AFAP1L1: variants seen among roughly 807,000 people sequenced by gnomAD.
AFAP1L1 encodes actin filament-associated protein 1-like 1.
A neutral mutation model predicts 99.8 loss-of-function variants in AFAP1L1; 77 were observed. The observed-to-expected ratio is 0.77, with a 90% CI of 0.64 to 0.93. The LOEUF is 0.93. Among genes scored for constraint, AFAP1L1 ranks in the 40% least tolerant of loss-of-function variants. The probability of loss-of-function intolerance (pLI) is 0.00; values close to 1 mark genes in which losing one functional copy is unlikely to be tolerated. For synonymous variants in AFAP1L1, 373 were observed against 395.3 expected, an observed-to-expected ratio of 0.94 and a Z score of 0.67; for missense variants, 893 against 996.8, an observed-to-expected ratio of 0.90 and a Z score of 1.40.
In AFAP1L1 at chr5:149,340,013, G is replaced by C. The variant is rs561461722; in HGVS notation, c.2290G>C (p.Glu764Gln). ...TTCTCTTTCTGTGCTTCAGGAATGG[G>C]AAATGAAGAAGACCTAGGAAGAGGA... ...GRVLQKAKEW[E>Q]MKKT The change falls in exon 19 of 19, where the codon GAA (glutamate) becomes CAA (glutamine). Residue 764 changes from glutamate to glutamine, a missense_variant. Coordinates refer to ENST00000296721, the MANE Select transcript of AFAP1L1 (RefSeq NM_152406.4). 6.2e-7 allele frequency: 1 copy of C among 1,614,034 alleles called. No individual in the cohort carries two copies. Among genetic ancestry groups the C allele is most frequent in the South Asian group, 1.1e-5 (1 of 91,066 alleles).
intron 18 of AFAP1L1, among the ~76,000 whole-genome samples, chr5:149,338,989 A>G (rs1436327807): frequency 6.6e-6 from 1 of 152,152 alleles, no homozygotes; most frequent in Non-Finnish European, 1.5e-5. Context: ...CAGAGAAGTA[A>G]CCAGTGAGGG....
intron 1 of AFAP1L1, among the ~76,000 whole-genome samples, chr5:149,291,617 A>C (rs978170962): frequency 1.4e-5 from 2 of 147,848 alleles, no homozygotes; most frequent in African/African-American, 2.5e-5. Context: ...CCTTTCCTTC[A>C]CCCTACCCAA....
rs183378523 is a variant in AFAP1L1 at position 149,329,928 on chromosome 5, C to G, written c.1975+98C>G. The G allele has an allele frequency of 4.4e-4, 523 of 1,179,850 alleles. 3 individuals carry two copies. In the African/African-American group the frequency reaches 7.5e-3, roughly 17 times the overall value. 73.1% of individuals were successfully genotyped at this position (1,179,850 alleles called of 1,614,324 possible). A position where few individuals can be genotyped will look rare whatever the true frequency, so the allele number is the denominator to read the frequency against. Reference sequence around the variant, plus strand: ...CTTGCACAAGTCACCTGGTTTCTTACCCAAGAGAAGTGGGCTTCTCCTCCC... The same window carrying G: ...CTTGCACAAGTCACCTGGTTTCTTAGCCAAGAGAAGTGGGCTTCTCCTCCC... On this transcript the variant is annotated intron_variant, in intron 16 of 18. Transcript: ENST00000296721.
chr5:149,282,786 GAGA>G (rs749472205), intron 1 of AFAP1L1, among the ~76,000 whole-genome samples: 8 of 152,200 alleles, frequency 5.3e-5, no homozygotes, highest in Non-Finnish European at 1.0e-4. Flanking sequence ...GCACTGTGGT[GAGA>G]AGGATTCTGA....
At chr5:149,304,425 G>A (rs1756330488) in intron 5 of AFAP1L1, 1 of 152,250 alleles carries the variant, frequency 6.6e-6, no homozygotes, top group African/African-American at 2.4e-5. Flanking sequence ...CTCAAGGACA[G>A]GGAACAAAGT....
chr5:149,286,249 A>C (rs1481012190), intron 1 of AFAP1L1, among the ~76,000 whole-genome samples: 1 of 152,118 alleles, frequency 6.6e-6, no homozygotes, highest in East Asian at 1.9e-4. Flanking sequence ...CCTGTGAGGA[A>C]TAAGTATTAT....
chr5:149,294,177 C>G (rs1430206866), intron 1 of AFAP1L1, among the ~76,000 whole-genome samples: 1 of 152,132 alleles, frequency 6.6e-6, no homozygotes, highest in East Asian at 1.9e-4. Flanking sequence ...ATCAGAATCA[C>G]TTGGAGTACT....
intron 1 of AFAP1L1, among the ~76,000 whole-genome samples, chr5:149,272,913 G>A (rs555878013): frequency 8.5e-5 from 13 of 152,222 alleles, no homozygotes; most frequent in African/African-American, 2.9e-4. Flanking sequence ...ATATTGGCCA[G>A]GCTGGTCTGG....
At position 149,329,837 on chromosome 5, in the gene AFAP1L1, A is replaced by G. The variant is rs1255607186; in HGVS notation, c.1975+7A>G. 2 of 1,603,446 alleles carry G rather than the reference A, an allele frequency of 1.2e-6. No homozygotes were observed. Among genetic ancestry groups the G allele is most frequent in the East Asian group, 4.5e-5 (2 of 44,628 alleles). ...GCCATTCGGAGCAGCCCAGGTACCT[A>G]TGTGGGTGTGGTCCTGAGCACCTAT... is the stretch of plus-strand genomic sequence containing the variant. On this transcript the variant is annotated splice_region_variant and intron_variant, in intron 16 of 18. Transcript: ENST00000296721.
chr5:149,310,095 T>A lies in AFAP1L1; in HGVS notation c.887T>A (p.Leu296Gln). 3 of 1,613,332 alleles carry A rather than the reference T, an allele frequency of 1.9e-6. No individual in the cohort carries two copies. The highest frequency in any genetic ancestry group is 2.5e-6 in the Non-Finnish European group (3 of 1,179,590). The change falls in exon 8 of 19, where the codon CTG becomes CAG. Residue 296 changes from leucine (L) to glutamine (Q), a missense_variant. Physicochemically the swap from Leu to Gln is moderately radical, Grantham distance 113. Transcript: ENST00000296721. ...CAGGGGGCTACCGAGGTCTTGGTGCTGGCACTGCAGAGCCGAGAGCAGGCC... is the reference window on the plus strand; with the variant it reads ...CAGGGGGCTACCGAGGTCTTGGTGCAGGCACTGCAGAGCCGAGAGCAGGCC... ...FTQGATEVLV[L>Q]ALQSREQAEE...
In AFAP1L1 at chr5:149,309,804, C is replaced by T. The variant is rs1756554832; in HGVS notation, c.748-152C>T. 15 of 939,400 alleles carry T rather than the reference C, an allele frequency of 1.6e-5. No homozygotes were observed. In the South Asian group the frequency reaches 2.0e-4, roughly 12 times the overall value. 58.2% of individuals were successfully genotyped at this position (939,400 alleles called of 1,614,324 possible). ...CTCTTCCAGGGTGAACAGCCTGGAC[C>T]CTTCAGCTATCCTCACACAGTGCCC... On this transcript the variant is annotated intron_variant, in intron 7 of 18. Transcript: ENST00000296721.
chr5:149,322,613 A>G lies in AFAP1L1; in HGVS notation c.1706A>G (p.Glu569Gly). Residue 569 changes from glutamate (E) to glycine (G), a missense_variant, in exon 15 of 19, where the codon GAG becomes GGG. Coordinates refer to ENST00000296721, the MANE Select transcript of AFAP1L1 (RefSeq NM_152406.4). ...TCCTCCATCTCCCACCAGGACGAGG[A>G]GCCCGAGCGCCCCACAGGGGCCCAG... ...DVPYEKMQDEEPERPTGAQVK... is the reference protein window; with the variant it reads ...DVPYEKMQDEGPERPTGAQVK... 6.4e-7 allele frequency: 1 copy of G among 1,574,184 alleles called. No homozygotes were observed. The highest frequency in any genetic ancestry group is 8.6e-7 in the Non-Finnish European group (1 of 1,158,522).
At chr5:149,322,585 T>C in intron 14 of AFAP1L1, 21 bp from the exon 15 acceptor site, 1 of 1,549,092 alleles carries the variant, frequency 6.5e-7, no homozygotes, top group Non-Finnish European at 8.7e-7. Context: ...AACTTGACTG[T>C]CTTCCTCCAT....
intron 1 of AFAP1L1, among the ~76,000 whole-genome samples, chr5:149,290,490 G>C (rs1755816624): frequency 6.6e-6 from 1 of 151,866 alleles, no homozygotes; most frequent in South Asian, 2.1e-4. Context: ...GGAAATTGGG[G>C]AACAGGAATT....
intron 4 of AFAP1L1, 39 bp from the exon 5 acceptor site, chr5:149,302,379 T>C: frequency 6.7e-7 from 1 of 1,499,054 alleles, no homozygotes. Context: ...CTCCCTACCC[T>C]GCTCCGCTCC....
At chr5:149,321,425 T>C (rs1344257389) in intron 14 of AFAP1L1, among the ~76,000 whole-genome samples, 1 of 152,132 alleles carries the variant, frequency 6.6e-6, no homozygotes, top group Non-Finnish European at 1.5e-5. Context: ...TAATACTTTA[T>C]GTAAAAAAGT....
At chr5:149,304,768 C>A (rs1756350939) in intron 5 of AFAP1L1, among the ~76,000 whole-genome samples, 1 of 152,206 alleles carries the variant, frequency 6.6e-6, no homozygotes, top group Admixed American at 6.5e-5. Flanking sequence ...GCGTCTGAGG[C>A]CTCAGGGTGC....
chr5:149,299,649 G>A lies in AFAP1L1; in HGVS notation c.145+12G>A. On this transcript the variant is annotated intron_variant, in intron 2 of 18. Coordinates refer to ENST00000296721, the MANE Select transcript of AFAP1L1 (RefSeq NM_152406.4). ...GCAGCCCCTTCCAGGTTAGCCGCCA[G>A]CAGCCTGCCTGGAGGAGCTCCACTT... is the stretch of plus-strand genomic sequence containing the variant. The A allele has an allele frequency of 6.2e-7, 1 of 1,613,994 alleles. No individual in the cohort carries two copies. Among genetic ancestry groups the A allele is most frequent in the African/African-American group, 1.3e-5 (1 of 75,018 alleles).
In AFAP1L1 at chr5:149,329,846, T is replaced by C. The variant is rs1421709933; in HGVS notation, c.1975+16T>C. On this transcript the variant is annotated intron_variant, in intron 16 of 18. Coordinates refer to ENST00000296721, the MANE Select transcript of AFAP1L1 (RefSeq NM_152406.4). Reference sequence around the variant, plus strand: ...AGCAGCCCAGGTACCTATGTGGGTGTGGTCCTGAGCACCTATGGGTGGCCA... The same window carrying C: ...AGCAGCCCAGGTACCTATGTGGGTGCGGTCCTGAGCACCTATGGGTGGCCA... 5.6e-6 allele frequency: 9 copies of C among 1,596,744 alleles called. No homozygotes were observed. The highest frequency in any genetic ancestry group is 7.7e-6 in the Non-Finnish European group (9 of 1,171,920).
Sources: gnomAD v4.1 joint callset for allele counts (sites outside exome capture counted in the v4.1 genomes callset) on GRCh38, gnomAD v4.1.1 for gene constraint, MANE v1.5 for transcripts, NCBI Gene and HGNC (gene_info 2026-07-23, HGNC 2026-07-21) for gene names.